The following CNTN3 variants were observed in gnomAD, a reference collection of about 807,000 sequenced individuals.
CNTN3 encodes contactin-3.
CNTN3 carries 60 observed loss-of-function variants against 119.1 expected under a neutral mutation model. The ratio of observed to expected loss-of-function variants is 0.50; its 90% CI spans 0.41 to 0.62. The LOEUF is 0.62. Among genes scored for constraint, CNTN3 ranks in the 20% least tolerant of loss-of-function variants. The pLI, the probability that CNTN3 is intolerant of heterozygous loss-of-function variation, is 0.00. For missense variants in CNTN3, 1,101 were observed against 1,242.4 expected, an observed-to-expected ratio of 0.89 and a Z score of 1.71; for synonymous variants, 450 against 438.7, an observed-to-expected ratio of 1.03 and a Z score of -0.32.
At chr3:74,583,581 T>A (rs1164604826) in intron 1 of CNTN3, among the ~76,000 whole-genome samples, 2 of 152,084 alleles carry the variant, frequency 1.3e-5, no homozygotes, top group Non-Finnish European at 2.9e-5. Context: ...GAGATAGAAT[T>A]GACTGGAAAT....
chr3:74,465,154 A>T (rs1434625089), intron 4 of CNTN3, among the ~76,000 whole-genome samples: 1 of 152,190 alleles, frequency 6.6e-6, no homozygotes, highest in Non-Finnish European at 1.5e-5. Flanking sequence ...TCCTATTAAA[A>T]CTAACTGGAT....
At chr3:74,325,811 C>G (rs1703113492) in intron 13 of CNTN3, among the ~76,000 whole-genome samples, 1 of 152,136 alleles carries the variant, frequency 6.6e-6, no homozygotes, top group Non-Finnish European at 1.5e-5. Flanking sequence ...CGCTGACATT[C>G]TGTTTCAGAT....
intron 4 of CNTN3, among the ~76,000 whole-genome samples, chr3:74,458,034 C>T (rs1702301288): frequency 6.6e-6 from 1 of 152,036 alleles, no homozygotes; most frequent in African/African-American, 2.4e-5. Flanking sequence ...AGGCATGAAG[C>T]AGGGTAAATA....
intron 3 of CNTN3, among the ~76,000 whole-genome samples, chr3:74,491,200 G>C (rs980562314): frequency 2.6e-5 from 4 of 152,052 alleles, no homozygotes; most frequent in African/African-American, 9.7e-5. Context: ...TTTCATTCAT[G>C]TAAGAAATGA....
intron 20 of CNTN3, among the ~76,000 whole-genome samples, chr3:74,267,946 T>G (rs1168137981): frequency 6.6e-6 from 1 of 152,116 alleles, no homozygotes; most frequent in African/African-American, 2.4e-5. Context: ...ATGGGCAAAA[T>G]GTGAGGCAAT....
chr3:74,511,830 C>T (rs1310284742), intron 2 of CNTN3, among the ~76,000 whole-genome samples: 1 of 152,094 alleles, frequency 6.6e-6, no homozygotes, highest in African/African-American at 2.4e-5. Context: ...GTAGTTATGA[C>T]AGAGACTACA....
intron 5 of CNTN3, among the ~76,000 whole-genome samples, chr3:74,393,708 T>C (rs1704973819): frequency 6.6e-6 from 1 of 152,190 alleles, no homozygotes; most frequent in African/African-American, 2.4e-5. Flanking sequence ...AAAGTAGGAC[T>C]GAGGTCAGAG....
intron 2 of CNTN3, among the ~76,000 whole-genome samples, chr3:74,520,232 C>T (rs1230586360): frequency 6.8e-6 from 1 of 146,742 alleles, no homozygotes; most frequent in Non-Finnish European, 1.5e-5. Context: ...AATAAGTAGA[C>T]AGATAAAAAA....
chr3:74,374,985 TA>T (rs1704443529), intron 5 of CNTN3, among the ~76,000 whole-genome samples: 2 of 152,206 alleles, frequency 1.3e-5, no homozygotes, highest in South Asian at 2.1e-4. Context: ...ATATACTTCA[TA>T]GTATTGAAAG....
chr3:74,365,305 G>A (rs893087836), intron 9 of CNTN3, among the ~76,000 whole-genome samples: 11 of 151,952 alleles, frequency 7.2e-5, no homozygotes. Context: ...CCAAAAAAAC[G>A]GTAGATTATT....
chr3:74,369,703 CGACTTTGAATATTAAA>C lies in CNTN3; in HGVS notation c.761+170_761+185del, dbSNP rs140948841. 5.7e-3 allele frequency among the ~76,000 whole-genome samples: 863 copies of C among 150,958 alleles called. 2 individuals are homozygous for C. The highest frequency in any genetic ancestry group is 9.2e-3 in the Non-Finnish European group (621 of 67,794). On this transcript the variant is annotated intron_variant, in intron 7 of 22. Coordinates refer to ENST00000263665, the MANE Select transcript of CNTN3 (RefSeq NM_020872.3). ...GCAGGCAGAGTAATTTTCTTCAAAT[CGACTTTGAATATTAAA>C]GTTTCAAACTCAATTTTATATGTGC...
At chr3:74,586,476 T>G (rs762727423) in intron 1 of CNTN3, among the ~76,000 whole-genome samples, 3 of 152,062 alleles carry the variant, frequency 2.0e-5, no homozygotes, top group African/African-American at 4.8e-5. Flanking sequence ...AAGGCAAAAT[T>G]TATTAAGAAA....
chr3:74,327,105 C>CTTTTTTTTTT (rs1491284899), intron 13 of CNTN3, among the ~76,000 whole-genome samples: 95 of 90,698 alleles, frequency 1.0e-3, no homozygotes, highest in East Asian at 4.3e-3. Flanking sequence ...AAGGGTTAAT[C>CTTTTTTTTTT]CTTTTTTTTT....
chr3:74,361,372 G>T (rs767481718), intron 11 of CNTN3, among the ~76,000 whole-genome samples: 26 of 152,296 alleles, frequency 1.7e-4, no homozygotes, highest in Non-Finnish European at 3.1e-4. Context: ...AATCCAGGTG[G>T]TCTAGCTCCA....
At chr3:74,553,224 T>G (rs928805875) in intron 1 of CNTN3, among the ~76,000 whole-genome samples, 1 of 152,156 alleles carries the variant, frequency 6.6e-6, no homozygotes, top group Non-Finnish European at 1.5e-5. Context: ...CTGAGAATGA[T>G]GGTTTTCAGC....
chr3:74,483,543 T>G (rs1702800338), intron 4 of CNTN3, among the ~76,000 whole-genome samples: 1 of 152,020 alleles, frequency 6.6e-6, no homozygotes, highest in Admixed American at 6.6e-5. Flanking sequence ...AGGTAATGTC[T>G]CCCTCTGGGA....
rs569981281 is a variant in CNTN3 at position 74,266,374 on chromosome 3, T to A, written c.2986+107A>T. The A allele has an allele frequency of 7.6e-6, 9 of 1,187,966 alleles. No individual in the cohort carries two copies. In the East Asian group the frequency reaches 2.1e-4, roughly 28 times the overall value. 73.6% of individuals were successfully genotyped at this position (1,187,966 alleles called of 1,614,324 possible). On this transcript the variant is annotated intron_variant, in intron 22 of 22. Coordinates refer to ENST00000263665, the MANE Select transcript of CNTN3 (RefSeq NM_020872.3). The stretch of plus-strand genomic sequence containing the variant: ...CCAAAACCTTACCGGCATTTGGATG[T>A]AAGCCTTGCTGGAAAGAAAGAATGG...
chr3:74,287,085 C>T (rs1330628013), intron 19 of CNTN3, among the ~76,000 whole-genome samples: 1 of 152,150 alleles, frequency 6.6e-6, no homozygotes, highest in Non-Finnish European at 1.5e-5. Context: ...TTAAAAATGC[C>T]TCCCTCCTTC....
At chr3:74,388,090 G>A (rs1303391721) in intron 5 of CNTN3, among the ~76,000 whole-genome samples, 1 of 152,158 alleles carries the variant, frequency 6.6e-6, no homozygotes, top group Non-Finnish European at 1.5e-5. Context: ...CTGGCTCTTG[G>A]AATAGCCAGT....
Sources: allele counts gnomAD v4.1 joint callset (sites outside exome capture counted in the v4.1 genomes callset), GRCh38; gene constraint gnomAD v4.1.1; transcripts MANE v1.5; gene names NCBI Gene and HGNC (gene_info 2026-07-23, HGNC 2026-07-21).